IKZF2: variants seen among roughly 807,000 people sequenced by gnomAD.
IKZF2 encodes the protein IKAROS family zinc finger 2.
A neutral mutation model predicts 49.2 loss-of-function variants in IKZF2; 15 were observed. The observed-to-expected ratio is 0.30, with a 90% CI of 0.20 to 0.47. The LOEUF is 0.47. Among genes scored for constraint, IKZF2 ranks in the 20% least tolerant of loss-of-function variants. The pLI, the probability that IKZF2 is intolerant of heterozygous loss-of-function variation, is 1.00. For missense variants in IKZF2, 567 were observed against 664.6 expected (o/e 0.85, Z 1.61); for synonymous variants, 227 against 221.4 (o/e 1.03, Z -0.23).
intron 5 of IKZF2, chr2:213,056,533 A>T: frequency 6.3e-6 from 3 of 478,888 alleles, no homozygotes; most frequent in Non-Finnish European, 1.1e-5. Context: ...GAAATACAAA[A>T]AGATTAAGTT....
In IKZF2 at chr2:213,109,738, A is replaced by G. The variant is rs528687616; in HGVS notation, c.139+37970T>C. On this transcript the variant is annotated intron_variant, in intron 4 of 8. Transcript: ENST00000434687. ...TACAGTACAGCAATTTGGCAATACT[A>G]TATTTCAAGAAGAAAAACATAAGCA... is the stretch of plus-strand genomic sequence containing the variant. Among the ~76,000 whole-genome samples the G allele has an allele frequency of 9.2e-5, 14 of 152,174 alleles. No homozygotes were observed. The East Asian group carries it at 2.1e-3, about 23-fold the overall frequency.
intron 4 of IKZF2, among the ~76,000 whole-genome samples, chr2:213,068,314 A>G (rs1053653850): frequency 6.6e-6 from 1 of 152,050 alleles, no homozygotes; most frequent in African/African-American, 2.4e-5. Context: ...TATTTCTTCT[A>G]TTAACTGGTG....
At chr2:213,147,584 C>T (rs866821636) in intron 4 of IKZF2, 124 bp downstream of exon 4, 1 of 791,544 alleles carries the variant, frequency 1.3e-6, no homozygotes, top group Non-Finnish European at 2.3e-6. Flanking sequence ...GTTGTTCTTT[C>T]TTTAGCAAAA....
intron 4 of IKZF2, among the ~76,000 whole-genome samples, chr2:213,115,842 G>C (rs2059853200): frequency 6.6e-6 from 1 of 151,688 alleles, no homozygotes; most frequent in Non-Finnish European, 1.5e-5. Context: ...TAAATACTTG[G>C]ATTTTATTTT....
intron 4 of IKZF2, among the ~76,000 whole-genome samples, chr2:213,085,798 A>T (rs529031612): frequency 6.6e-6 from 1 of 152,208 alleles, no homozygotes. Context: ...ATGTTTTGCT[A>T]TACATACAGA....
At chr2:213,115,172 C>T (rs1483432122) in intron 4 of IKZF2, among the ~76,000 whole-genome samples, 1 of 152,116 alleles carries the variant, frequency 6.6e-6, no homozygotes, top group Non-Finnish European at 1.5e-5. Flanking sequence ...AACCTAATTC[C>T]ATTCATTCAG....
chr2:213,057,008 ACCC>A lies in IKZF2; in HGVS notation c.228_230del (p.Glu76_Gly77delinsAsp). 1 of 1,613,702 alleles carries A rather than the reference ACCC, an allele frequency of 6.2e-7. No homozygotes were observed. The highest frequency in any genetic ancestry group is 8.5e-7 in the Non-Finnish European group (1 of 1,179,840). On this transcript the variant is annotated inframe_deletion, in exon 5 of 9. Coordinates refer to ENST00000434687, the MANE Select transcript of IKZF2 (RefSeq NM_001387220.1). ...CAATTAGGGGTTCTTCTAGGCTGCTACCCTCATCATGGCCCCTGATCTCATCTT... is the reference window on the plus strand; with the variant it reads ...CAATTAGGGGTTCTTCTAGGCTGCTATCATCATGGCCCCTGATCTCATCTT...
Position 213,007,775 on chromosome 2 carries a change from G to T in IKZF2, c.1166C>A (p.Pro389Gln), listed in dbSNP as rs267599195. Reference sequence around the variant, plus strand: ...CTCTCTTTCCTGGGGTCGACTCTTTGGTCTGATGAGAGAGATGGGGCCATC... The same window carrying T: ...CTCTCTTTCCTGGGGTCGACTCTTTTGTCTGATGAGAGAGATGGGGCCATC... Reference protein sequence around the residue: ...NMDGPISLIRPKSRPQEREAS... With the variant: ...NMDGPISLIRQKSRPQEREAS... Residue 389 changes from proline to glutamine, a missense_variant, in exon 9 of 9, where the codon CCA becomes CAA. Physicochemically the swap from Pro to Gln is moderately conservative, Grantham distance 76. Around this residue, in one of 5 missense-constraint regions of IKZF2, gnomAD observed 310 missense variants for 326.9 expected, o/e 0.95. Transcript: ENST00000434687. The T allele has an allele frequency of 2.5e-6, 4 of 1,613,554 alleles. No homozygotes were observed. In the South Asian group the frequency reaches 3.3e-5, roughly 13 times the overall value.
chr2:213,118,307 T>G (rs2059940942), intron 4 of IKZF2, among the ~76,000 whole-genome samples: 1 of 152,214 alleles, frequency 6.6e-6, no homozygotes, highest in Admixed American at 6.5e-5. Context: ...GGCAGAGGTT[T>G]GACAACTGTG....
chr2:213,085,874 A>T (rs1165685300), intron 4 of IKZF2, among the ~76,000 whole-genome samples: 1 of 152,188 alleles, frequency 6.6e-6, no homozygotes, highest in Non-Finnish European at 1.5e-5. Flanking sequence ...AGGTGTCAAG[A>T]TCTCCAAAAG....
chr2:213,067,139 A>G (rs541934306), intron 4 of IKZF2, among the ~76,000 whole-genome samples: 4 of 152,246 alleles, frequency 2.6e-5, no homozygotes, highest in African/African-American at 9.6e-5. Context: ...TAAAATCAAA[A>G]TAATGACAAC....
chr2:213,009,409 CA>C (rs1322432727), intron 8 of IKZF2, among the ~76,000 whole-genome samples: 5 of 152,070 alleles, frequency 3.3e-5, no homozygotes, highest in Admixed American at 6.6e-5. Context: ...GTAAATCTTA[CA>C]GATAAATGCT....
At chr2:213,134,982 A>G (rs976837675) in intron 4 of IKZF2, among the ~76,000 whole-genome samples, 57 of 152,152 alleles carry the variant, frequency 3.7e-4, no homozygotes, top group African/African-American at 1.3e-3. Context: ...TATGCTCTCT[A>G]TACTTCACAG....
intron 8 of IKZF2, among the ~76,000 whole-genome samples, chr2:213,011,355 G>A (rs1695931464): frequency 6.6e-6 from 1 of 151,878 alleles, no homozygotes; most frequent in African/African-American, 2.4e-5. Context: ...CCAATAGAGG[G>A]GAGAGGTTAA....
At chr2:213,037,164 G>C (rs909447971) in intron 6 of IKZF2, among the ~76,000 whole-genome samples, 1 of 152,166 alleles carries the variant, frequency 6.6e-6, no homozygotes, top group Non-Finnish European at 1.5e-5. Context: ...TTTGGAATGA[G>C]GACAGTGTAG....
intron 3 of IKZF2, 36 bp from the exon 4 acceptor site, chr2:213,147,848 C>G (rs370012105): frequency 4.2e-5 from 62 of 1,478,088 alleles, no homozygotes; most frequent in Non-Finnish European, 5.4e-5. Flanking sequence ...GGTTTCTATT[C>G]ATTGTCACAT....
chr2:213,124,271 CACACACACACACA>C (rs1469349864), intron 4 of IKZF2, among the ~76,000 whole-genome samples: 4 of 138,388 alleles, frequency 2.9e-5, no homozygotes, highest in South Asian at 2.1e-4. Flanking sequence ...CACACACACA[CACACACACACACA>C]CACACACACA....
At chr2:213,132,811 C>T (rs528407524) in intron 4 of IKZF2, among the ~76,000 whole-genome samples, 65 of 152,254 alleles carry the variant, frequency 4.3e-4, no homozygotes, top group South Asian at 6.2e-4. Flanking sequence ...CAATTATACC[C>T]GTCACAAACA....
chr2:213,141,402 A>C (rs966684580), intron 4 of IKZF2, among the ~76,000 whole-genome samples: 2 of 151,934 alleles, frequency 1.3e-5, no homozygotes, highest in Non-Finnish European at 2.9e-5. Flanking sequence ...CATGAAAATA[A>C]AAGCCAAGTT....
Sources: gnomAD v4.1 joint callset for allele counts (sites outside exome capture counted in the v4.1 genomes callset) on GRCh38, gnomAD v4.1.1 for gene constraint, gnomAD v4.1.1 regional missense constraint, MANE v1.5 for transcripts, NCBI Gene and HGNC (gene_info 2026-07-23, HGNC 2026-07-21) for gene names.